The following MTERF4 variants were observed in gnomAD, a reference collection of about 807,000 sequenced individuals.
The protein encoded by MTERF4 is transcription termination factor 4, mitochondrial.
Under a neutral mutation model 22.5 loss-of-function variants are expected in MTERF4, and 17 were observed. The observed-to-expected ratio is 0.75, with a 90% CI of 0.52 to 1.13. The LOEUF (loss-of-function observed/expected upper bound fraction) is 1.13, where lower values mean the gene tolerates loss of function less well. MTERF4 is among the 50% of genes most tolerant of loss of function. The pLI is 0.00. For missense variants in MTERF4, 420 were observed against 466.8 expected, an observed-to-expected ratio of 0.90 and a Z score of 0.92; for synonymous variants, 165 against 175.3, an observed-to-expected ratio of 0.94 and a Z score of 0.47.
At position 241,095,978 on chromosome 2, in the gene MTERF4, C is replaced by T. The variant is rs753999125; in HGVS notation, c.*20G>A. ...TCCTTGATATCTCTGGGCCCTTTCG[C>T]TCTAGTCCTTCCATCACAGCTATTC... On this transcript the variant is annotated 3_prime_UTR_variant, in exon 4 of 4. Coordinates refer to ENST00000391980, the MANE Select transcript of MTERF4 (RefSeq NM_182501.4). The T allele has an allele frequency of 5.0e-6, 8 of 1,611,284 alleles. No homozygotes were observed. Among genetic ancestry groups the T allele is most frequent in the Non-Finnish European group, 6.8e-6 (8 of 1,178,134 alleles).
chr2:241,064,999 G>T, the MTERF4 span: 16 of 1,440,246 alleles, frequency 1.1e-5, no homozygotes, highest in Non-Finnish European at 1.4e-5. This position sits in a 1 kb window ranked among gnomAD's most constrained non-coding sequence, Gnocchi z 7.0. Flanking sequence ...CCACGAGGGG[G>T]TCCCCTCTCC....
At chr2:241,059,503 T>A in the MTERF4 span, among the ~76,000 whole-genome samples, 3 of 152,320 alleles carry the variant, frequency 2.0e-5, no homozygotes, top group East Asian at 5.8e-4. Context: ...TACAGACTGG[T>A]ATCTCTCAAG....
chr2:241,050,170 G>A, the MTERF4 span: 4 of 573,156 alleles, frequency 7.0e-6, no homozygotes, highest in Non-Finnish European at 1.3e-5. Context: ...TCTGAAAATA[G>A]GCTTCATTGC....
chr2:241,057,929 A>C, the MTERF4 span, among the ~76,000 whole-genome samples: 4 of 152,228 alleles, frequency 2.6e-5, no homozygotes, highest in Admixed American at 2.0e-4. Flanking sequence ...AGGAGAAAAA[A>C]GTAATCAGAA....
chr2:241,061,231 G>A, the MTERF4 span, among the ~76,000 whole-genome samples: 8,987 of 152,180 alleles, frequency 0.059, 376 homozygotes, highest in Non-Finnish European at 0.093. Context: ...GCATTTCATG[G>A]AAGAAGAGAT....
chr2:241,085,370 T>C (rs1187582651), downstream of MTERF4, among the ~76,000 whole-genome samples: 2 of 152,210 alleles, frequency 1.3e-5, no homozygotes, highest in Non-Finnish European at 2.9e-5. Flanking sequence ...GCATCTACCA[T>C]TAATCCTGTT....
chr2:241,088,463 C>A, downstream of MTERF4: 2 of 1,387,418 alleles, frequency 1.4e-6, no homozygotes, highest in Non-Finnish European at 2.0e-6. Flanking sequence ...GGGGCGACTG[C>A]CCAGCCCCGG....
At chr2:241,094,473 C>T (rs1341165954), downstream of MTERF4, 2 of 464,708 alleles carry the variant, frequency 4.3e-6, no homozygotes, top group Non-Finnish European at 8.9e-6. The surrounding 1 kb of genome is among the most constrained non-coding windows in gnomAD (Gnocchi z 4.3). Context: ...TGCTGAATCC[C>T]CACAATTGCA....
At chr2:241,070,255 C>T, downstream of MTERF4, 1 of 1,533,732 alleles carries the variant, frequency 6.5e-7, no homozygotes, top group Non-Finnish European at 8.7e-7. Flanking sequence ...CAGCCCTCCA[C>T]CCTGTTCAGG....
chr2:241,071,617 C>T (rs758802776), downstream of MTERF4: 3 of 1,587,372 alleles, frequency 1.9e-6, no homozygotes, highest in African/African-American at 1.3e-5. Flanking sequence ...CCAGGGAGGA[C>T]ACCACCCTCG....
chr2:241,100,462 G>T (rs1332881341), intron 1 of MTERF4, among the ~76,000 whole-genome samples: 1 of 151,906 alleles, frequency 6.6e-6, no homozygotes. Context: ...TTTCTCTTAG[G>T]ATTTTCTTTT....
intron 4 of MTERF4, among the ~76,000 whole-genome samples, chr2:241,077,473 G>C (rs1294094588): frequency 6.6e-6 from 1 of 152,148 alleles, no homozygotes; most frequent in African/African-American, 2.4e-5. Flanking sequence ...CATCAAGGAA[G>C]TGACATGACA....
chr2:241,059,288 G>A, the MTERF4 span, among the ~76,000 whole-genome samples: 6 of 152,136 alleles, frequency 3.9e-5, no homozygotes, highest in Non-Finnish European at 7.3e-5. Flanking sequence ...ATTGCTTCAC[G>A]GATGAATTCT....
At chr2:241,083,677 G>T (rs2063440952), downstream of MTERF4, among the ~76,000 whole-genome samples, 2 of 152,200 alleles carry the variant, frequency 1.3e-5, no homozygotes, top group African/African-American at 4.8e-5. Context: ...ACCAGTGCCT[G>T]CTGGTGACCA....
downstream of MTERF4, among the ~76,000 whole-genome samples, chr2:241,071,120 C>T (rs563727211): frequency 4.6e-5 from 7 of 152,250 alleles, no homozygotes; most frequent in Non-Finnish European, 7.4e-5. Flanking sequence ...GGCTGAAGGA[C>T]GCTGTTAGGG....
At chr2:241,046,314 AAAGAGATGAAAACTTATGT>A in the MTERF4 span, among the ~76,000 whole-genome samples, 20 of 152,236 alleles carry the variant, frequency 1.3e-4, no homozygotes, top group Admixed American at 4.6e-4. Context: ...TATTAACTCT[AAAGAGATGAAAACTTATGT>A]TTACACACAA....
rs1323549177 is a variant in MTERF4 at position 241,102,236 on chromosome 2, G to A, written c.21+17C>T. ...GCCTGCGACCCGGAGAAGCCCGCGC[G>A]CCCAGCTCGAGCTTACCTGACGGCC... On this transcript the variant is annotated intron_variant, in intron 1 of 3. Transcript: ENST00000391980. 1.9e-6 allele frequency: 3 copies of A among 1,548,676 alleles called. No homozygotes were observed. Among genetic ancestry groups the A allele is most frequent in the South Asian group, 1.2e-5 (1 of 84,006 alleles).
downstream of MTERF4, chr2:241,095,060 G>GCCCCCC (rs10573691): frequency 2.2e-5 from 2 of 90,298 alleles, no homozygotes; most frequent in East Asian, 5.5e-4. Flanking sequence ...AAGGTGACAC[G>GCCCCCC]CCCCCCCCCC....
the MTERF4 span, among the ~76,000 whole-genome samples, chr2:241,057,693 AAATT>A: frequency 6.6e-6 from 1 of 152,084 alleles, no homozygotes; most frequent in African/African-American, 2.4e-5. Flanking sequence ...AAAAAATTAA[AAATT>A]AAGAAATAAA....
Sources: gnomAD v4.1 joint callset for allele counts (sites outside exome capture counted in the v4.1 genomes callset) on GRCh38, gnomAD v4.1.1 for gene constraint, Gnocchi (gnomAD v3.1) non-coding constraint, MANE v1.5 for transcripts, NCBI Gene and HGNC (gene_info 2026-07-23, HGNC 2026-07-21) for gene names.